The following PLD2 variants were observed in gnomAD, a reference collection of about 807,000 sequenced individuals.
PLD2 encodes choline phosphatase 2.
Under a neutral mutation model 119.8 loss-of-function variants are expected in PLD2, and 101 were observed. The ratio of observed to expected loss-of-function variants is 0.84; its 90% confidence interval spans 0.72 to 0.99. The LOEUF (loss-of-function observed/expected upper bound fraction) is 0.99, where lower values mean the gene tolerates loss of function less well. Among genes scored for constraint, PLD2 ranks in the 50% least tolerant of loss-of-function variants. The pLI is 0.00. For missense variants in PLD2, 1,164 were observed against 1,226.8 expected (o/e 0.95, Z 0.76); for synonymous variants, 494 against 482.8 (o/e 1.02, Z -0.30).
intron 12 of PLD2, among the ~76,000 whole-genome samples, 193 bp from the exon 13 acceptor site, chr17:4,815,275 AGATGTGTG>A (rs1906854979): frequency 6.6e-6 from 1 of 151,968 alleles, no homozygotes; most frequent in Non-Finnish European, 1.5e-5. Flanking sequence ...GTGGGTGGAT[AGATGTGTG>A]GATGGGTGAG....
At chr17:4,809,227 TC>T in intron 5 of PLD2, 22 bp downstream of exon 5, 1 of 1,611,752 alleles carries the variant, frequency 6.2e-7, no homozygotes, top group Non-Finnish European at 8.5e-7. Flanking sequence ...TGCCAGGTCC[TC>T]CGGGAAGGCA....
chr17:4,818,583 A>G lies in PLD2; in HGVS notation c.2099A>G (p.Gln700Arg), dbSNP rs781465757. The change falls in exon 20 of 25, where the codon CAG becomes CGG. Residue 700 changes from glutamine to arginine, a missense_variant. Coordinates refer to ENST00000263088, the MANE Select transcript of PLD2 (RefSeq NM_002663.5). Reference protein sequence around the residue: ...DISTGGGNSIQAILHFTYRTL... With the variant: ...DISTGGGNSIRAILHFTYRTL... ...TCCACGGGCGGTGGCAACTCCATCC[A>G]GGCCATTCTGCACTTTACTTACAGG... is the stretch of plus-strand genomic sequence containing the variant. 3.6e-5 allele frequency: 58 copies of G among 1,613,554 alleles called. No homozygotes were observed. The East Asian group carries it at 1.2e-3, about 35-fold the overall frequency.
At chr17:4,817,506 C>T (rs954258013) in intron 17 of PLD2, 5 of 493,786 alleles carry the variant, frequency 1.0e-5, no homozygotes, top group Non-Finnish European at 1.5e-5. Context: ...ACTAAAAATA[C>T]AAAAAATTAG....
At chr17:4,818,417 T>C (rs765413477) in intron 19 of PLD2, 32 bp downstream of exon 19, 3 of 1,610,742 alleles carry the variant, frequency 1.9e-6, no homozygotes, top group Non-Finnish European at 2.5e-6. Flanking sequence ...GTGGGGACTG[T>C]GGGTGTGGTT....
rs1907400651 is a variant in PLD2 at position 4,819,365 on chromosome 17, G to A, written c.2309-64G>A. ...GTTGCAGGCCAGTGCTTTGGTAGAG[G>A]GGATGGGGTACTGGGGAGAGTGCCC... On this transcript the variant is annotated intron_variant, in intron 22 of 24. Coordinates refer to ENST00000263088, the MANE Select transcript of PLD2 (RefSeq NM_002663.5). This position sits in a 1 kb window ranked among gnomAD's most constrained non-coding sequence, Gnocchi z 4.2. 1 of 1,607,318 alleles carries A rather than the reference G, an allele frequency of 6.2e-7. No homozygotes were observed. Among genetic ancestry groups the A allele is most frequent in the East Asian group, 2.2e-5 (1 of 44,662 alleles).
rs553929542 is a variant in PLD2, at chr17:4,818,948, T to C, written c.2173+125T>C. ...TGAGCCTCTGACGCTACGCAGACCA[T>C]AGCTGGCCTTTCACTGCAGGGAGAA... On this transcript the variant is annotated intron_variant, in intron 21 of 24. Coordinates refer to ENST00000263088, the MANE Select transcript of PLD2 (RefSeq NM_002663.5). 4.0e-6 allele frequency: 6 copies of C among 1,484,602 alleles called. No homozygotes were observed. The South Asian group carries it at 6.1e-5, about 15-fold the overall frequency. 92.0% of individuals were successfully genotyped at this position (1,484,602 alleles called of 1,614,324 possible). A position where few individuals can be genotyped will look rare whatever the true frequency, so the allele number is the denominator to read the frequency against.
intron 11 of PLD2, 56 bp downstream of exon 11, chr17:4,814,557 G>A: frequency 3.7e-6 from 6 of 1,612,828 alleles, no homozygotes; most frequent in Non-Finnish European, 5.1e-6. Context: ...GGGCAGATCA[G>A]CATTAGGAGG....
Position 4,819,692 on chromosome 17 carries a change from C to CAGTA in PLD2, c.2462+111_2462+114dup. 9.3e-7 allele frequency: 1 copy of CAGTA among 1,077,312 alleles called. No homozygotes were observed. Among genetic ancestry groups the CAGTA allele is most frequent in the Non-Finnish European group, 1.3e-6 (1 of 759,240 alleles). The allele number at this position is 1,077,312 out of a possible 1,614,324, so 66.7% of individuals were successfully genotyped here. On this transcript the variant is annotated intron_variant, in intron 23 of 24. Coordinates refer to ENST00000263088, the MANE Select transcript of PLD2 (RefSeq NM_002663.5). The surrounding 1 kb of genome is among the most constrained non-coding windows in gnomAD (Gnocchi z 4.2). Reference sequence around the variant, plus strand: ...GTACTCCCGGAGCCAGAGGTAGAGGCAGTACTAGATTCTCAATAGGCAAGG... The same window carrying CAGTA: ...GTACTCCCGGAGCCAGAGGTAGAGGCAGTAAGTACTAGATTCTCAATAGGCAAGG...
chr17:4,816,153 G>A (rs1422734324), intron 14 of PLD2, among the ~76,000 whole-genome samples: 3 of 152,230 alleles, frequency 2.0e-5, no homozygotes, highest in South Asian at 2.1e-4. Flanking sequence ...AGGCCAAGGC[G>A]GGTGGATCAC....
intron 14 of PLD2, 74 bp downstream of exon 14, chr17:4,816,008 C>A (rs913895565): frequency 9.0e-7 from 1 of 1,114,186 alleles, no homozygotes; most frequent in Non-Finnish European, 1.4e-6. Flanking sequence ...CCAGCTCCAG[C>A]CTTACCCCCT....
In PLD2 at chr17:4,808,367, C is replaced by A; in HGVS notation, c.334C>A (p.Arg112=). The A allele has an allele frequency of 1.2e-6, 2 of 1,613,910 alleles. No individual in the cohort carries two copies. Among genetic ancestry groups the A allele is most frequent in the Non-Finnish European group, 1.7e-6 (2 of 1,179,850 alleles). Residue 112 remains arginine, a synonymous_variant, in exon 4 of 25, where the codon CGG becomes AGG. Coordinates refer to ENST00000263088, the MANE Select transcript of PLD2 (RefSeq NM_002663.5). This position sits in a 1 kb window ranked among gnomAD's most constrained non-coding sequence, Gnocchi z 4.1. ...KKYRHFQELH[R]DLLRHKVLMS... ...ATACCGTCATTTTCAGGAGCTGCATCGGGACCTCCTGAGACACAAAGTCTT... is the reference window on the plus strand; with the variant it reads ...ATACCGTCATTTTCAGGAGCTGCATAGGGACCTCCTGAGACACAAAGTCTT...
intron 12 of PLD2, 21 bp downstream of exon 12, chr17:4,814,732 G>T (rs2286670): frequency 0.13 from 203,961 of 1,608,026 alleles, 13,984 homozygotes; most frequent in Non-Finnish European, 0.14. Context: ...TGGTCAGGCC[G>T]CAGGGGGAGG....
chr17:4,808,475 C>T lies in PLD2; in HGVS notation c.383+59C>T. ...AGGTGCTCCCCACCCTCCTTTCTGT[C>T]TGTCTCACCCCGGGGCCACAACCTT... On this transcript the variant is annotated intron_variant, in intron 4 of 24. Coordinates refer to ENST00000263088, the MANE Select transcript of PLD2 (RefSeq NM_002663.5). The surrounding 1 kb of genome is among the most constrained non-coding windows in gnomAD (Gnocchi z 4.1). 6.4e-7 allele frequency: 1 copy of T among 1,551,878 alleles called. No individual in the cohort carries two copies.
chr17:4,822,825 T>C lies in PLD2; in HGVS notation c.2763T>C (p.Gly921=). The C allele has an allele frequency of 6.2e-7, 1 of 1,612,014 alleles. No individual in the cohort carries two copies. Among genetic ancestry groups the C allele is most frequent in the Non-Finnish European group, 8.5e-7 (1 of 1,178,254 alleles). The change falls in exon 25 of 25, where the codon GGT becomes GGC. Residue 921 remains glycine, a synonymous_variant. Transcript: ENST00000263088. Reference sequence around the variant, plus strand: ...ATGAGTCTTTGCTGCCCCCGCTGGGTAGCAAGGAGGGCATGATCCCCCTAG... The same window carrying C: ...ATGAGTCTTTGCTGCCCCCGCTGGGCAGCAAGGAGGGCATGATCCCCCTAG... The part of the protein sequence containing the change: ...LEDESLLPPL[G]SKEGMIPLEV...
At chr17:4,818,661 C>T in intron 20 of PLD2, 54 bp downstream of exon 20, 1 of 1,552,778 alleles carries the variant, frequency 6.4e-7, no homozygotes, top group African/African-American at 1.4e-5. Flanking sequence ...CCCGTGTCCC[C>T]CTCCTGATTC....
chr17:4,813,070 C>T (rs995383431), intron 10 of PLD2, among the ~76,000 whole-genome samples: 4 of 152,114 alleles, frequency 2.6e-5, no homozygotes, highest in Non-Finnish European at 4.4e-5. Context: ...AGTGCAGTGG[C>T]GCGATACCAG....
chr17:4,815,790 G>A lies in PLD2; in HGVS notation c.1311G>A (p.Thr437=), dbSNP rs566137125. The change falls in exon 14 of 25, where the codon ACG becomes ACA. Residue 437 remains threonine (T), a synonymous_variant. Coordinates refer to ENST00000263088, the MANE Select transcript of PLD2 (RefSeq NM_002663.5). ...TGATGCGTCACCCAGACCAAGTGACGTTGTGGGCCCATCATGAGAAGCTCC... is the reference window on the plus strand; with the variant it reads ...TGATGCGTCACCCAGACCAAGTGACATTGTGGGCCCATCATGAGAAGCTCC... ...IKVMRHPDQV[T]LWAHHEKLLV... The A allele has an allele frequency of 1.2e-5, 20 of 1,614,066 alleles. No individual in the cohort carries two copies. The East Asian group carries it at 2.0e-4, about 16-fold the overall frequency.
intron 12 of PLD2, 131 bp downstream of exon 12, chr17:4,814,842 C>G (rs185555560): frequency 1.3e-6 from 1 of 786,168 alleles, no homozygotes; most frequent in African/African-American, 1.7e-5. Flanking sequence ...CCTGGCCCAG[C>G]ACCTGTCAGA....
Position 4,808,955 on chromosome 17 carries a change from A to G in PLD2, c.384-145A>G. On this transcript the variant is annotated intron_variant, in intron 4 of 24. Coordinates refer to ENST00000263088, the MANE Select transcript of PLD2 (RefSeq NM_002663.5). The surrounding 1 kb of genome is among the most constrained non-coding windows in gnomAD (Gnocchi z 4.1). ...GTGATCCACCTGCTGCGGCCTCCCC[A>G]AGTGCTGGGATTCCAGGCGTGAGCC... The G allele has an allele frequency of 1.5e-6, 1 of 678,918 alleles. No homozygotes were observed. 42.1% of individuals were successfully genotyped at this position (678,918 alleles called of 1,614,324 possible). A position where few individuals can be genotyped will look rare whatever the true frequency, so the allele number is the denominator to read the frequency against.
Sources: gnomAD v4.1 joint callset for allele counts (sites outside exome capture counted in the v4.1 genomes callset) on GRCh38, gnomAD v4.1.1 for gene constraint, Gnocchi (gnomAD v3.1) non-coding constraint, MANE v1.5 for transcripts, NCBI Gene and HGNC (gene_info 2026-07-23, HGNC 2026-07-21) for gene names.